Variants in FSHR observed in about 807,000 individuals in gnomAD.
FSHR encodes follicle-stimulating hormone receptor.
FSHR carries 46 observed loss-of-function variants against 52.1 expected under a neutral mutation model. The ratio of observed to expected loss-of-function variants is 0.88; its 90% CI spans 0.70 to 1.13. The LOEUF is 1.13. Ranked by LOEUF, FSHR falls within the 50% of genes most tolerant of loss-of-function variation. The pLI is 0.00. For synonymous variants in FSHR, 399 were observed against 309.6 expected, an observed-to-expected ratio of 1.29 and a Z score of -3.03; for missense variants, 964 against 834.6, an observed-to-expected ratio of 1.16 and a Z score of -1.91.
At chr2:49,068,682 C>A (rs998672456) in intron 1 of FSHR, among the ~76,000 whole-genome samples, 1 of 152,080 alleles carries the variant, frequency 6.6e-6, no homozygotes, top group Non-Finnish European at 1.5e-5. Flanking sequence ...GCTGACCTTG[C>A]CTTCTATTCC....
At chr2:49,071,525 G>A (rs1332206056) in intron 1 of FSHR, among the ~76,000 whole-genome samples, 3 of 152,092 alleles carry the variant, frequency 2.0e-5, no homozygotes, top group Non-Finnish European at 4.4e-5. Flanking sequence ...TAAAGGATAA[G>A]AAAATTTAAT....
At chr2:49,129,158 C>T (rs1167483732) in intron 1 of FSHR, among the ~76,000 whole-genome samples, 2 of 151,984 alleles carry the variant, frequency 1.3e-5, no homozygotes, top group African/African-American at 4.8e-5. Flanking sequence ...TCACACAGCC[C>T]AGTAAATACC....
At chr2:49,104,137 T>C (rs989454947) in intron 1 of FSHR, among the ~76,000 whole-genome samples, 5 of 152,008 alleles carry the variant, frequency 3.3e-5, no homozygotes, top group Non-Finnish European at 7.4e-5. Context: ...AAGATTAGAG[T>C]AGATTTAATC....
rs573397815 is a variant in FSHR, at chr2:49,052,278, C to T, written c.224+15941G>A. On this transcript the variant is annotated intron_variant, in intron 2 of 9. Coordinates refer to ENST00000406846, the MANE Select transcript of FSHR (RefSeq NM_000145.4). ...GGTCTATCAGGTACTAATATGACCTCACTCCCAGCTTCCTCTTTGATCTTA... is the reference window on the plus strand; with the variant it reads ...GGTCTATCAGGTACTAATATGACCTTACTCCCAGCTTCCTCTTTGATCTTA... Among the ~76,000 whole-genome samples the T allele has an allele frequency of 1.1e-4, 16 of 152,256 alleles. No homozygotes were observed. In the East Asian group the frequency reaches 3.1e-3, roughly 30 times the overall value.
At chr2:49,091,338 C>G (rs1347276154) in intron 1 of FSHR, among the ~76,000 whole-genome samples, 1 of 152,106 alleles carries the variant, frequency 6.6e-6, no homozygotes, top group Non-Finnish European at 1.5e-5. Flanking sequence ...TGGTCTTGTT[C>G]TGTCACTCAG....
intron 4 of FSHR, among the ~76,000 whole-genome samples, chr2:48,991,063 C>T (rs867203385): frequency 2.0e-5 from 3 of 152,256 alleles, no homozygotes; most frequent in South Asian, 2.1e-4. Context: ...TGCCCTAAGA[C>T]CCTAGGGTAT....
At chr2:49,138,101 A>G (rs775956558) in intron 1 of FSHR, among the ~76,000 whole-genome samples, 2 of 152,188 alleles carry the variant, frequency 1.3e-5, no homozygotes, top group African/African-American at 2.4e-5. Flanking sequence ...TAAATGTCCA[A>G]TAAGCCCATG....
chr2:49,123,931 T>C (rs1671908647), intron 1 of FSHR, among the ~76,000 whole-genome samples: 1 of 151,674 alleles, frequency 6.6e-6, no homozygotes, highest in Non-Finnish European at 1.5e-5. Flanking sequence ...ATTAGGAGGG[T>C]TTTTTAAAGC....
Position 48,963,780 on chromosome 2 carries a change from G to C in FSHR, c.1041C>G (p.Ser347=), listed in dbSNP as rs769247170. The C allele has an allele frequency of 1.9e-6, 3 of 1,614,128 alleles. No individual in the cohort carries two copies. The highest frequency in any genetic ancestry group is 2.5e-6 in the Non-Finnish European group (3 of 1,179,998). ...ATGGGTTGAATGCATCTGGCTTAGG[G>C]GAGCAGGTCACGTCAACCACTTCAT... ...LCNEVVDVTC[S]PKPDAFNPCE... is the part of the protein sequence containing the mutation. The change falls in exon 10 of 10, where the codon TCC becomes TCG. Residue 347 remains serine, a synonymous_variant. Coordinates refer to ENST00000406846, the MANE Select transcript of FSHR (RefSeq NM_000145.4).
At chr2:49,137,289 C>T (rs944069500) in intron 1 of FSHR, among the ~76,000 whole-genome samples, 3 of 151,782 alleles carry the variant, frequency 2.0e-5, no homozygotes, top group Non-Finnish European at 2.9e-5. Flanking sequence ...ATAGATTTAA[C>T]AAAAGGAGTA....
At chr2:49,011,378 A>C (rs1667265306) in intron 4 of FSHR, among the ~76,000 whole-genome samples, 1 of 152,048 alleles carries the variant, frequency 6.6e-6, no homozygotes, top group Admixed American at 6.6e-5. Flanking sequence ...GTTTGATTGC[A>C]ATGTGGTCTG....
chr2:48,997,390 A>G, intron 4 of FSHR: 1 of 985,044 alleles, frequency 1.0e-6, no homozygotes. Context: ...CAAGGGTAAC[A>G]TTTCCTAGAG....
intron 2 of FSHR, among the ~76,000 whole-genome samples, chr2:49,022,471 T>G (rs1667761782): frequency 1.3e-5 from 2 of 152,108 alleles, no homozygotes; most frequent in African/African-American, 4.8e-5. Context: ...TTTAGACATC[T>G]TATTCCGATC....
intron 9 of FSHR, among the ~76,000 whole-genome samples, chr2:48,966,562 C>A (rs1286890315): frequency 6.6e-6 from 1 of 152,118 alleles, no homozygotes; most frequent in Admixed American, 6.5e-5. Flanking sequence ...ACACTCTGGG[C>A]ATTATTTCCA....
chr2:49,037,735 T>C (rs1303267890), intron 2 of FSHR, among the ~76,000 whole-genome samples: 2 of 152,174 alleles, frequency 1.3e-5, no homozygotes, highest in African/African-American at 4.8e-5. Context: ...TCACTCATGA[T>C]ATTGCTCACA....
chr2:48,968,047 C>G (rs537663856), intron 9 of FSHR, among the ~76,000 whole-genome samples: 16 of 152,330 alleles, frequency 1.1e-4, no homozygotes, highest in African/African-American at 3.4e-4. Flanking sequence ...TTTCTCTTTA[C>G]TCTTTCCAGA....
chr2:49,010,010 A>G (rs1371647559), intron 4 of FSHR, among the ~76,000 whole-genome samples: 4 of 111,846 alleles, frequency 3.6e-5, no homozygotes, highest in Admixed American at 1.1e-4. Flanking sequence ...CTAATTGAAT[A>G]CCCTTTATTT....
chr2:49,051,627 T>C (rs1668859741), intron 2 of FSHR, among the ~76,000 whole-genome samples: 1 of 152,094 alleles, frequency 6.6e-6, no homozygotes, highest in Non-Finnish European at 1.5e-5. Flanking sequence ...TTTCTCTCAT[T>C]ATGTGATTTG....
chr2:48,963,087 G>C lies in FSHR; in HGVS notation c.1734C>G (p.Ile578Met). 1 of 1,614,108 alleles carries C rather than the reference G, an allele frequency of 6.2e-7. No individual in the cohort carries two copies. Residue 578 changes from isoleucine to methionine, a missense_variant, in exon 10 of 10, where the codon ATC becomes ATG. Coordinates refer to ENST00000406846, the MANE Select transcript of FSHR (RefSeq NM_000145.4). ...GTGCCATGCAGAGGAAGTCAGTGAA[G>C]ATGAGCATGGCCATGCGCTTGGCGA... ...TRIAKRMAML[I>M]FTDFLCMAPI...
Sources: gnomAD v4.1 joint callset for allele counts (sites outside exome capture counted in the v4.1 genomes callset) on GRCh38, gnomAD v4.1.1 for gene constraint, MANE v1.5 for transcripts, NCBI Gene and HGNC (gene_info 2026-07-23, HGNC 2026-07-21) for gene names.